Variants in ANKS1B observed in about 807,000 individuals in gnomAD.
The protein encoded by ANKS1B is ankyrin repeat and sterile alpha motif domain-containing protein 1B.
ANKS1B carries 36 observed loss-of-function variants against 148.3 expected under a neutral mutation model. The ratio of observed to expected loss-of-function variants is 0.24; its 90% CI spans 0.19 to 0.32. The LOEUF (loss-of-function observed/expected upper bound fraction) is 0.32, where lower values mean the gene tolerates loss of function less well. Among genes scored for constraint, ANKS1B ranks in the 10% least tolerant of loss-of-function variants. ANKS1B has a pLI of 1.00. For missense variants in ANKS1B, 1,157 were observed against 1,542.6 expected (o/e 0.75, Z 4.19); for synonymous variants, 542 against 560.8 (o/e 0.97, Z 0.47).
At chr12:99,010,581 G>C (rs2099938741) in intron 17 of ANKS1B, among the ~76,000 whole-genome samples, 1 of 152,026 alleles carries the variant, frequency 6.6e-6, no homozygotes, top group East Asian at 1.9e-4. Context: ...TTGCAGGTGA[G>C]AAAACTGTGT....
intron 9 of ANKS1B, among the ~76,000 whole-genome samples, chr12:99,561,943 A>G (rs2097340673): frequency 6.6e-6 from 1 of 152,220 alleles, no homozygotes; most frequent in Non-Finnish European, 1.5e-5. Flanking sequence ...ATCATTATCT[A>G]TGGCAGCTAT....
At chr12:98,862,654 G>A (rs2099605202) in intron 17 of ANKS1B, among the ~76,000 whole-genome samples, 1 of 152,086 alleles carries the variant, frequency 6.6e-6, no homozygotes, top group African/African-American at 2.4e-5. Context: ...AGATACTGGG[G>A]AAATGCATTC....
chr12:99,948,339 AAAG>A (rs1250856069), intron 1 of ANKS1B, among the ~76,000 whole-genome samples: 1 of 152,124 alleles, frequency 6.6e-6, no homozygotes, highest in Non-Finnish European at 1.5e-5. Flanking sequence ...TAGCAAAAAA[AAAG>A]AAGGATGCCT....
chr12:99,949,951 C>T (rs2095171218), intron 1 of ANKS1B, among the ~76,000 whole-genome samples: 1 of 151,830 alleles, frequency 6.6e-6, no homozygotes, highest in Non-Finnish European at 1.5e-5. Context: ...ACTCCACAAG[C>T]CACTCTTATT....
At chr12:99,743,713 G>T (rs1176594219) in intron 8 of ANKS1B, among the ~76,000 whole-genome samples, 3 of 152,126 alleles carry the variant, frequency 2.0e-5, no homozygotes, top group Non-Finnish European at 4.4e-5. Context: ...ATGAACTAAA[G>T]TAATAACACT....
At chr12:98,983,217 GAA>G (rs2099916559) in intron 17 of ANKS1B, among the ~76,000 whole-genome samples, 1 of 152,168 alleles carries the variant, frequency 6.6e-6, no homozygotes, top group Non-Finnish European at 1.5e-5. Context: ...AGGCGCTGTG[GAA>G]AAATCTGCTT....
intron 9 of ANKS1B, among the ~76,000 whole-genome samples, chr12:99,632,159 T>C (rs1191674022): frequency 2.0e-5 from 3 of 152,144 alleles, no homozygotes; most frequent in African/African-American, 7.2e-5. Context: ...GCTTAAGTGG[T>C]CCCAGGTGCA....
chr12:98,777,972 TAGGTTAGG>T (rs2098696799), intron 24 of ANKS1B, among the ~76,000 whole-genome samples: 1 of 152,064 alleles, frequency 6.6e-6, no homozygotes, highest in Non-Finnish European at 1.5e-5. Flanking sequence ...GAAAAAGCAT[TAGGTTAGG>T]GAGGTTGAAA....
intron 12 of ANKS1B, among the ~76,000 whole-genome samples, chr12:99,382,246 C>T (rs2093669453): frequency 6.6e-6 from 1 of 152,084 alleles, no homozygotes; most frequent in Admixed American, 6.5e-5. Context: ...ATCAGGTGCC[C>T]ACATGTCCAA....
chr12:99,809,542 G>C (rs1366141525), intron 3 of ANKS1B, among the ~76,000 whole-genome samples: 3 of 151,990 alleles, frequency 2.0e-5, no homozygotes, highest in Non-Finnish European at 4.4e-5. Context: ...AATCCGGGTA[G>C]AGTCCACTTT....
intron 10 of ANKS1B, among the ~76,000 whole-genome samples, chr12:99,503,152 GTTTTGA>G: frequency 6.6e-6 from 1 of 152,296 alleles, no homozygotes; most frequent in Middle Eastern, 3.4e-3. Context: ...GCCCAGGCTA[GTTTTGA>G]ACTCCTGAGC....
At chr12:99,903,799 G>A (rs905099687) in intron 1 of ANKS1B, among the ~76,000 whole-genome samples, 3 of 151,906 alleles carry the variant, frequency 2.0e-5, no homozygotes, top group Admixed American at 2.0e-4. Context: ...TATACTGCTC[G>A]GGCGATGGGT....
chr12:99,949,759 C>T lies in ANKS1B; in HGVS notation c.134+34345G>A, dbSNP rs146136517. On this transcript the variant is annotated intron_variant, in intron 1 of 26. Transcript: ENST00000683438. Reference sequence around the variant, plus strand: ...CTATGGCCCACAGGGCAAATTCAACCCACCATCTGTCTCTGTAAATAAAAT... The same window carrying T: ...CTATGGCCCACAGGGCAAATTCAACTCACCATCTGTCTCTGTAAATAAAAT... Among the ~76,000 whole-genome samples the T allele has an allele frequency of 4.0e-3, 612 of 152,300 alleles. 4 individuals carry two copies. The highest frequency in any genetic ancestry group is 0.014 in the African/African-American group (581 of 41,582).
chr12:99,893,921 G>A (rs764517209), intron 1 of ANKS1B, among the ~76,000 whole-genome samples: 15 of 151,732 alleles, frequency 9.9e-5, no homozygotes, highest in Admixed American at 5.3e-4. Flanking sequence ...TCATGTCTTC[G>A]CTCCTGTGAA....
chr12:99,378,700 C>T (rs1442889501), intron 12 of ANKS1B, among the ~76,000 whole-genome samples: 3 of 143,658 alleles, frequency 2.1e-5, no homozygotes, highest in Admixed American at 2.1e-4. Flanking sequence ...AGAGACAGTA[C>T]AAAATGAAAG....
chr12:98,995,089 G>C (rs1402169223), intron 17 of ANKS1B, among the ~76,000 whole-genome samples: 1 of 152,152 alleles, frequency 6.6e-6, no homozygotes, highest in Admixed American at 6.5e-5. Context: ...CATGTGGTTT[G>C]TGTTTCAAAA....
intron 12 of ANKS1B, among the ~76,000 whole-genome samples, chr12:99,265,534 C>T (rs1465518264): frequency 6.6e-6 from 1 of 152,186 alleles, no homozygotes; most frequent in Non-Finnish European, 1.5e-5. Context: ...CACTGCTCTA[C>T]TGATCACGAG....
At chr12:99,695,882 T>G (rs1012214940) in intron 8 of ANKS1B, among the ~76,000 whole-genome samples, 3 of 152,006 alleles carry the variant, frequency 2.0e-5, no homozygotes, top group African/African-American at 7.3e-5. Context: ...TCCCAGAACT[T>G]AAAATAAAAT....
At chr12:99,085,073 GA>G in intron 15 of ANKS1B, 50 bp from the exon 16 acceptor site, 1 of 1,383,754 alleles carries the variant, frequency 7.2e-7, no homozygotes, top group Non-Finnish European at 1.0e-6. Context: ...TTATACTGTG[GA>G]TAAATAACAA....
Sources: gnomAD v4.1 joint callset for allele counts (sites outside exome capture counted in the v4.1 genomes callset) on GRCh38, gnomAD v4.1.1 for gene constraint, MANE v1.5 for transcripts, NCBI Gene and HGNC (gene_info 2026-07-23, HGNC 2026-07-21) for gene names.